KCNH7: variants seen among roughly 807,000 people sequenced by gnomAD.
KCNH7 encodes potassium voltage-gated channel subfamily H member 7, also known as voltage-gated inwardly rectifying potassium channel KCNH7.
Under a neutral mutation model 120.8 loss-of-function variants are expected in KCNH7, and 49 were observed. That is an observed-to-expected ratio of 0.41 (90% CI 0.32 to 0.51). The LOEUF (loss-of-function observed/expected upper bound fraction) is 0.51. Among genes scored for constraint, KCNH7 ranks in the 20% least tolerant of loss-of-function variants. The pLI is 0.38. For synonymous variants in KCNH7, 547 were observed against 516.1 expected, an observed-to-expected ratio of 1.06 and a Z score of -0.81; for missense variants, 1,097 against 1,446.6, an observed-to-expected ratio of 0.76 and a Z score of 3.92.
chr2:162,492,641 A>G (rs576968623), intron 6 of KCNH7, among the ~76,000 whole-genome samples: 1 of 152,240 alleles, frequency 6.6e-6, no homozygotes, highest in African/African-American at 2.4e-5. Context: ...CACCTTGAAC[A>G]CTAAGGTTAA....
chr2:162,652,901 A>T (rs1157599483), intron 2 of KCNH7, among the ~76,000 whole-genome samples: 1 of 152,266 alleles, frequency 6.6e-6, no homozygotes, highest in East Asian at 1.9e-4. Context: ...GATGGATGTC[A>T]AGCAATCTGA....
chr2:162,542,095 T>C (rs1416582293), intron 2 of KCNH7, among the ~76,000 whole-genome samples: 1 of 151,944 alleles, frequency 6.6e-6, no homozygotes, highest in Non-Finnish European at 1.5e-5. Context: ...ATTTAAAAGA[T>C]ATAGGGTCTA....
chr2:162,500,298 A>G (rs1690637637), intron 6 of KCNH7, among the ~76,000 whole-genome samples: 1 of 147,986 alleles, frequency 6.8e-6, no homozygotes, highest in Admixed American at 6.8e-5. Flanking sequence ...TAACATGTAT[A>G]TTATATATAC....
At chr2:162,643,915 G>C (rs1161415725) in intron 2 of KCNH7, among the ~76,000 whole-genome samples, 3 of 151,698 alleles carry the variant, frequency 2.0e-5, no homozygotes, top group East Asian at 3.9e-4. Context: ...AATAGTGACT[G>C]ACACTCAGGG....
chr2:162,481,980 C>T (rs915203705), intron 6 of KCNH7, among the ~76,000 whole-genome samples: 1 of 149,480 alleles, frequency 6.7e-6, no homozygotes, highest in Non-Finnish European at 1.5e-5. Flanking sequence ...ATCTATCTAT[C>T]TATCTATCTA....
At chr2:162,545,500 C>G (rs1028579878) in intron 2 of KCNH7, among the ~76,000 whole-genome samples, 1 of 151,992 alleles carries the variant, frequency 6.6e-6, no homozygotes, top group Non-Finnish European at 1.5e-5. Flanking sequence ...AGTGCTGGGC[C>G]ATGAGAGGAA....
At chr2:162,469,693 C>G (rs969405335) in intron 6 of KCNH7, among the ~76,000 whole-genome samples, 2 of 151,532 alleles carry the variant, frequency 1.3e-5, no homozygotes, top group Non-Finnish European at 1.5e-5. Flanking sequence ...CCCTCCCCCT[C>G]TCCCTCTCCC....
intron 9 of KCNH7, among the ~76,000 whole-genome samples, chr2:162,420,091 T>C (rs1007701327): frequency 2.0e-5 from 3 of 152,068 alleles, no homozygotes; most frequent in Non-Finnish European, 2.9e-5. Flanking sequence ...AAAAACACAA[T>C]CTAGGCCAGG....
intron 2 of KCNH7, among the ~76,000 whole-genome samples, chr2:162,786,510 C>A (rs547083925): frequency 1.1e-4 from 17 of 151,928 alleles, no homozygotes; most frequent in Admixed American, 2.6e-4. Context: ...TATTATAAAC[C>A]AAACAAATTT....
At chr2:162,526,775 C>T (rs183750316) in intron 3 of KCNH7, among the ~76,000 whole-genome samples, 1 of 151,950 alleles carries the variant, frequency 6.6e-6, no homozygotes, top group African/African-American at 2.4e-5. Flanking sequence ...ATCATCACAG[C>T]GTCCTAAGCG....
chr2:162,735,832 C>T (rs1159017688), intron 2 of KCNH7, among the ~76,000 whole-genome samples: 1 of 152,150 alleles, frequency 6.6e-6, no homozygotes, highest in South Asian at 2.1e-4. Context: ...AGTGCATTGG[C>T]TTTTCTGAGC....
At chr2:162,419,170 T>C (rs1274545404) in intron 9 of KCNH7, among the ~76,000 whole-genome samples, 1 of 150,564 alleles carries the variant, frequency 6.6e-6, no homozygotes, top group African/African-American at 2.4e-5. Flanking sequence ...AAAACTTACC[T>C]ATCCCCTATC....
In KCNH7 at chr2:162,683,963, G is replaced by A. The variant is rs1051586768; in HGVS notation, c.308-146883C>T. 4.6e-5 allele frequency among the ~76,000 whole-genome samples: 7 copies of A among 151,872 alleles called. No individual in the cohort carries two copies. In the East Asian group the frequency reaches 5.8e-4, roughly 13 times the overall value. ...TCTAACTATAGTACTACAAGGCTAC[G>A]GTAACGAAAACAGCGTGGTACTGGT... On this transcript the variant is annotated intron_variant, in intron 2 of 15. Coordinates refer to ENST00000332142, the MANE Select transcript of KCNH7 (RefSeq NM_033272.4).
At chr2:162,642,458 G>T (rs1018417028) in intron 2 of KCNH7, among the ~76,000 whole-genome samples, 5 of 152,050 alleles carry the variant, frequency 3.3e-5, no homozygotes, top group Non-Finnish European at 7.4e-5. Context: ...GGTCTTATGT[G>T]CAGGAGGCAT....
At chr2:162,706,909 T>G (rs1176629970) in intron 2 of KCNH7, among the ~76,000 whole-genome samples, 1 of 152,168 alleles carries the variant, frequency 6.6e-6, no homozygotes, top group Non-Finnish European at 1.5e-5. Context: ...AACTGAGAAC[T>G]TTAATGAGTA....
chr2:162,445,714 G>A (rs968536663), intron 7 of KCNH7, among the ~76,000 whole-genome samples: 15 of 152,256 alleles, frequency 9.9e-5, no homozygotes, highest in East Asian at 9.6e-4. Context: ...TTTTACACCC[G>A]TGAAGTTAAT....
intron 2 of KCNH7, among the ~76,000 whole-genome samples, chr2:162,791,481 C>T (rs548914745): frequency 6.6e-6 from 1 of 151,988 alleles, no homozygotes; most frequent in Non-Finnish European, 1.5e-5. Context: ...TTGTGGTTCT[C>T]CTTGTAGGGA....
chr2:162,715,193 T>C (rs1443479301), intron 2 of KCNH7, among the ~76,000 whole-genome samples: 1 of 152,156 alleles, frequency 6.6e-6, no homozygotes, highest in Non-Finnish European at 1.5e-5. Context: ...ACAGGAAGCA[T>C]CTGTTTCTGG....
At position 162,560,288 on chromosome 2, in the gene KCNH7, T is replaced by C. The variant is rs146959930; in HGVS notation, c.308-23208A>G. 3.0e-3 allele frequency among the ~76,000 whole-genome samples: 461 copies of C among 152,334 alleles called. 2 individuals carry two copies. Among genetic ancestry groups the C allele is most frequent in the African/African-American group, 0.011 (440 of 41,574 alleles). On this transcript the variant is annotated intron_variant, in intron 2 of 15. Transcript: ENST00000332142. ...CAAATTTTTTTCCTGAATGTAAGGC[T>C]CTGGACTTAGAGATGTCTGTGCTAA...
Sources: gnomAD v4.1 joint callset for allele counts (sites outside exome capture counted in the v4.1 genomes callset) on GRCh38, gnomAD v4.1.1 for gene constraint, MANE v1.5 for transcripts, NCBI Gene and HGNC (gene_info 2026-07-23, HGNC 2026-07-21) for gene names.